The following SAMSN1 variants were observed in gnomAD, a reference collection of about 807,000 sequenced individuals.
The protein encoded by SAMSN1 is SAM domain-containing protein SAMSN-1.
Under a neutral mutation model 42.0 loss-of-function variants are expected in SAMSN1, and 31 were observed. That is an observed-to-expected ratio of 0.74 (90% CI 0.55 to 1.00). SAMSN1 has a LOEUF of 1.00. Among genes scored for constraint, SAMSN1 ranks in the 50% least tolerant of loss-of-function variants. SAMSN1 has a pLI of 0.00. For missense variants in SAMSN1, 464 were observed against 439.4 expected, an observed-to-expected ratio of 1.06 and a Z score of -0.50; for synonymous variants, 178 against 151.9, an observed-to-expected ratio of 1.17 and a Z score of -1.26.
intron 1 of SAMSN1, among the ~76,000 whole-genome samples, chr21:14,542,815 G>A (rs1980130700): frequency 1.3e-5 from 2 of 152,054 alleles, no homozygotes; most frequent in African/African-American, 4.8e-5. Flanking sequence ...TGGTGGCATG[G>A]TGCCTGTGGT....
In SAMSN1 at chr21:14,536,329, A is replaced by AT. The variant is rs577791298; in HGVS notation, c.57+9875dup. ...AAGAGATAAGTGTGTGACTAAATTGATTTTTAACAAATCCAGCATCTTGGT... is the reference window on the plus strand; with the variant it reads ...AAGAGATAAGTGTGTGACTAAATTGATTTTTTAACAAATCCAGCATCTTGGT... On this transcript the variant is annotated intron_variant, in intron 1 of 7. Transcript: ENST00000400566. 2.5e-3 allele frequency among the ~76,000 whole-genome samples: 387 copies of AT among 152,344 alleles called. 1 individual carries two copies. Among genetic ancestry groups the AT allele is most frequent in the African/African-American group, 7.3e-3 (305 of 41,584 alleles).
chr21:14,510,577 A>G, intron 4 of SAMSN1, 116 bp from the exon 5 acceptor site: 1 of 1,173,016 alleles, frequency 8.5e-7, no homozygotes, highest in Non-Finnish European at 1.2e-6. Flanking sequence ...CTCCTGAGGA[A>G]GTTCTAATTG....
At chr21:14,509,616 C>T (rs1987585619) in intron 5 of SAMSN1, among the ~76,000 whole-genome samples, 1 of 152,226 alleles carries the variant, frequency 6.6e-6, no homozygotes, top group Non-Finnish European at 1.5e-5. Context: ...GCTCAGCTCT[C>T]GCCTGACATT....
At chr21:14,577,232 ATG>A (rs71735460) in intron 2 of SAMSN1, among the ~76,000 whole-genome samples, 7,113 of 56,846 alleles carry the variant, frequency 0.13, 1,010 homozygotes, top group East Asian at 0.16. Flanking sequence ...ATTTATATAT[ATG>A]TGTGTATATA....
chr21:14,624,063 G>A (rs1983095817), intron 2 of SAMSN1, among the ~76,000 whole-genome samples: 1 of 152,158 alleles, frequency 6.6e-6, no homozygotes, highest in Admixed American at 6.5e-5. Flanking sequence ...AAAGAAAGAT[G>A]TTCTTTGAAA....
In SAMSN1 at chr21:14,577,236, GTGTATATA is replaced by G. The variant is rs1448515527; in HGVS notation, c.261+4892_261+4899del. ...ATGGTGGGCTAATTTATATATATGTGTGTATATATATATATATATATATATATATATAT... is the reference window on the plus strand; with the variant it reads ...ATGGTGGGCTAATTTATATATATGTGTATATATATATATATATATATATAT... On this transcript the variant is annotated intron_variant, in intron 2 of 8. Transcript: ENST00000285670. Among the ~76,000 whole-genome samples the G allele has an allele frequency of 8.5e-3, 263 of 30,840 alleles. 18 individuals are homozygous for G. The highest frequency in any genetic ancestry group is 0.024 in the Middle Eastern group (1 of 42). The allele number at this position is 30,840 out of a possible 152,430, so 20.2% of individuals were successfully genotyped here.
intron 2 of SAMSN1, among the ~76,000 whole-genome samples, chr21:14,554,585 C>T: frequency 6.6e-6 from 1 of 151,790 alleles, no homozygotes; most frequent in East Asian, 1.9e-4. Flanking sequence ...AGATTGTGCT[C>T]TCTGGATACA....
chr21:14,553,430 T>C (rs1174689789), intron 2 of SAMSN1, among the ~76,000 whole-genome samples: 1 of 152,196 alleles, frequency 6.6e-6, no homozygotes, highest in Non-Finnish European at 1.5e-5. Flanking sequence ...ATACTTGTCA[T>C]TGCAAATGCT....
intron 2 of SAMSN1, among the ~76,000 whole-genome samples, chr21:14,553,627 T>A (rs190053641): frequency 2.5e-4 from 38 of 152,284 alleles, no homozygotes; most frequent in African/African-American, 8.9e-4. Context: ...AAAGGGCACT[T>A]ACATCCTTTT....
chr21:14,489,727 C>A (rs1174163851), intron 7 of SAMSN1, among the ~76,000 whole-genome samples: 3 of 151,944 alleles, frequency 2.0e-5, no homozygotes, highest in African/African-American at 7.2e-5. Context: ...TCATGAAGAG[C>A]TAATTTGCAT....
At chr21:14,643,889 G>A (rs1473375566) in intron 1 of SAMSN1, among the ~76,000 whole-genome samples, 1 of 152,180 alleles carries the variant, frequency 6.6e-6, no homozygotes, top group Non-Finnish European at 1.5e-5. Context: ...CCATCGTGCG[G>A]CATTGAACTT....
intron 2 of SAMSN1, among the ~76,000 whole-genome samples, chr21:14,616,892 T>C (rs1346571483): frequency 6.6e-6 from 1 of 152,188 alleles, no homozygotes; most frequent in African/African-American, 2.4e-5. Context: ...AGGTCGTTAA[T>C]AGTAACAGCC....
intron 6 of SAMSN1, among the ~76,000 whole-genome samples, chr21:14,599,581 C>T (rs1982374698): frequency 1.3e-5 from 2 of 152,168 alleles, no homozygotes; most frequent in Non-Finnish European, 2.9e-5. Flanking sequence ...GGGCTGAATC[C>T]TTCTACAATA....
intron 7 of SAMSN1, among the ~76,000 whole-genome samples, chr21:14,590,213 T>C (rs909198029): frequency 6.6e-6 from 1 of 152,152 alleles, no homozygotes; most frequent in East Asian, 1.9e-4. Context: ...TCTACTCTTC[T>C]TAGTTTTCTA....
intron 1 of SAMSN1, among the ~76,000 whole-genome samples, chr21:14,531,186 G>A (rs918714531): frequency 1.3e-5 from 2 of 151,952 alleles, no homozygotes; most frequent in Non-Finnish European, 2.9e-5. Flanking sequence ...GAATAACTTC[G>A]AATATTGATC....
At chr21:14,487,269 G>A (rs1051038455) in intron 7 of SAMSN1, among the ~76,000 whole-genome samples, 3 of 151,964 alleles carry the variant, frequency 2.0e-5, no homozygotes, top group African/African-American at 4.8e-5. Flanking sequence ...GAAGGAAAAT[G>A]TATAATTTTC....
At chr21:14,626,282 A>T (rs1331545036) in intron 2 of SAMSN1, among the ~76,000 whole-genome samples, 3 of 152,228 alleles carry the variant, frequency 2.0e-5, no homozygotes, top group Admixed American at 1.3e-4. Flanking sequence ...GACAACTGGG[A>T]TCTAATTAAA....
At position 14,516,096 on chromosome 21, in the gene SAMSN1, T is replaced by C. The variant is rs566150169; in HGVS notation, c.279+796A>G. Among the ~76,000 whole-genome samples the C allele has an allele frequency of 7.2e-5, 11 of 152,284 alleles. No homozygotes were observed. The South Asian group carries it at 2.1e-3, about 29-fold the overall frequency. On this transcript the variant is annotated intron_variant, in intron 3 of 7. Coordinates refer to ENST00000400566, the MANE Select transcript of SAMSN1 (RefSeq NM_022136.5). The stretch of plus-strand genomic sequence containing the variant: ...ATGACACACCTGCTTAAAAAAACAA[T>C]TTGCCAGTTTCTCTATTAGACATGG...
chr21:14,555,527 T>C (rs777835578), intron 2 of SAMSN1, among the ~76,000 whole-genome samples: 8 of 152,142 alleles, frequency 5.3e-5, no homozygotes, highest in Non-Finnish European at 1.0e-4. Context: ...AGTTTTCAGA[T>C]TGGCATAGGG....
Sources: allele counts gnomAD v4.1 joint callset (sites outside exome capture counted in the v4.1 genomes callset), GRCh38; gene constraint gnomAD v4.1.1; transcripts MANE v1.5; gene names NCBI Gene and HGNC (gene_info 2026-07-23, HGNC 2026-07-21).